Variants in PLXNA2 observed in about 807,000 individuals in gnomAD.
The protein encoded by PLXNA2 is plexin-A2.
A neutral mutation model predicts 193.5 loss-of-function variants in PLXNA2; 91 were observed. The observed-to-expected ratio is 0.47, with a 90% CI of 0.40 to 0.56. The LOEUF is 0.56. PLXNA2 is among the 20% of genes least tolerant of loss of function. PLXNA2 has a pLI of 0.00. For missense variants in PLXNA2, 1,995 were observed against 2,503.2 expected, an observed-to-expected ratio of 0.80 and a Z score of 4.33; for synonymous variants, 997 against 1,027.3, an observed-to-expected ratio of 0.97 and a Z score of 0.56.
intron 3 of PLXNA2, among the ~76,000 whole-genome samples, chr1:208,209,742 GA>G (rs1416314025): frequency 6.6e-6 from 1 of 152,146 alleles, no homozygotes; most frequent in Admixed American, 6.5e-5. Context: ...GTGATTGCAG[GA>G]AGAGGAAAGA....
chr1:208,091,582 G>C (rs751734840), intron 9 of PLXNA2, among the ~76,000 whole-genome samples: 26 of 152,280 alleles, frequency 1.7e-4, no homozygotes, highest in African/African-American at 4.1e-4. Context: ...GTATAGAAAG[G>C]CTATAGTAGG....
Position 208,084,381 on chromosome 1 carries a change from G to T in PLXNA2, c.2297C>A (p.Ser766Ter). Reference sequence around the variant, plus strand: ...AGGGCCCAGCCTGCGTTTTCTTACCGAGCTGTTCTGACACTGAACGCTGGA... The same window carrying T: ...AGGGCCCAGCCTGCGTTTTCTTACCTAGCTGTTCTGACACTGAACGCTGGA... ...NSSSVQCQNS[S>*]YQYDGMDISN... Residue 766 changes from serine (S) to a stop codon, truncating the protein, a stop_gained and splice_region_variant, in exon 10 of 32, where the codon TCG (serine) becomes TAG (stop). Coordinates refer to ENST00000367033, the MANE Select transcript of PLXNA2 (RefSeq NM_025179.4). LOFTEE classifies it high-confidence loss of function. The T allele has an allele frequency of 1.2e-6, 2 of 1,614,130 alleles. No individual in the cohort carries two copies. Among genetic ancestry groups the T allele is most frequent in the Non-Finnish European group, 1.7e-6 (2 of 1,180,006 alleles).
intron 4 of PLXNA2, among the ~76,000 whole-genome samples, chr1:208,124,635 T>C (rs141385589): frequency 0.076 from 10,351 of 135,750 alleles, 484 homozygotes; most frequent in Middle Eastern, 0.21. Context: ...GCCAAGATCA[T>C]GTGATTGCAC....
intron 5 of PLXNA2, 59 bp from the exon 6 acceptor site, chr1:208,099,028 A>G (rs1667008811): frequency 3.8e-6 from 6 of 1,595,624 alleles, no homozygotes; most frequent in Non-Finnish European, 4.3e-6. Flanking sequence ...GTTTGGCTCC[A>G]TTGTCCCCTG....
chr1:208,202,853 C>T (rs1369145320), intron 3 of PLXNA2, among the ~76,000 whole-genome samples: 2 of 152,230 alleles, frequency 1.3e-5, no homozygotes, highest in Non-Finnish European at 2.9e-5. Flanking sequence ...GACTGCAAAA[C>T]AGCCAGCTGA....
At chr1:208,080,231 C>T (rs1666291642) in intron 11 of PLXNA2, among the ~76,000 whole-genome samples, 1 of 152,180 alleles carries the variant, frequency 6.6e-6, no homozygotes, top group African/African-American at 2.4e-5. Context: ...GTGACACAGT[C>T]TGTTCCCAGC....
chr1:208,150,041 G>A (rs1005752938), intron 3 of PLXNA2, among the ~76,000 whole-genome samples: 4 of 152,208 alleles, frequency 2.6e-5, no homozygotes, highest in Admixed American at 2.0e-4. Context: ...ATTGGACGGG[G>A]ACGCAGGAGC....
At chr1:208,210,785 A>G (rs1039765542) in intron 2 of PLXNA2, among the ~76,000 whole-genome samples, 1 of 152,138 alleles carries the variant, frequency 6.6e-6, no homozygotes, top group African/African-American at 2.4e-5. Flanking sequence ...ATTTATTTTA[A>G]TGTTCCTCAG....
At chr1:208,100,730 G>A (rs903588689) in intron 5 of PLXNA2, among the ~76,000 whole-genome samples, 23 of 152,192 alleles carry the variant, frequency 1.5e-4, no homozygotes, top group Non-Finnish European at 2.8e-4. Flanking sequence ...CAGACAAGGC[G>A]CTGCAGCCAG....
At chr1:208,060,875 C>T in intron 12 of PLXNA2, 38 bp from the exon 13 acceptor site, 1 of 1,605,832 alleles carries the variant, frequency 6.2e-7, no homozygotes, top group Admixed American at 1.7e-5. Flanking sequence ...TTGGTTTGGT[C>T]ACAGGAACAG....
At position 208,121,504 on chromosome 1, in the gene PLXNA2, C is replaced by T. The variant is rs568514961; in HGVS notation, c.1507-18257G>A. 1.1e-3 allele frequency among the ~76,000 whole-genome samples: 167 copies of T among 152,196 alleles called. 5 individuals are homozygous for T. In the South Asian group the frequency reaches 0.031, roughly 29 times the overall value. On this transcript the variant is annotated intron_variant, in intron 4 of 31. Coordinates refer to ENST00000367033, the MANE Select transcript of PLXNA2 (RefSeq NM_025179.4). Reference sequence around the variant, plus strand: ...GGGGTGGTTTCCCTCATGCTGTTCTCGTGATAATGAGTGAGTTCTCATGAG... The same window carrying T: ...GGGGTGGTTTCCCTCATGCTGTTCTTGTGATAATGAGTGAGTTCTCATGAG...
At chr1:208,187,551 T>G (rs1467053847) in intron 3 of PLXNA2, among the ~76,000 whole-genome samples, 1 of 152,222 alleles carries the variant, frequency 6.6e-6, no homozygotes, top group African/African-American at 2.4e-5. Context: ...TCCCTAAAGC[T>G]GACTCATGAA....
At chr1:208,107,589 A>T (rs974910308) in intron 4 of PLXNA2, among the ~76,000 whole-genome samples, 2 of 152,108 alleles carry the variant, frequency 1.3e-5, no homozygotes, top group South Asian at 2.1e-4. Context: ...GGGGAGGGAG[A>T]TGTCTTCAGA....
At position 208,042,262 on chromosome 1, in the gene PLXNA2, C is replaced by G; in HGVS notation, c.4122G>C (p.Leu1374=). Residue 1374 remains leucine, a synonymous_variant, in exon 22 of 32, where the codon CTG becomes CTC. Coordinates refer to ENST00000367033, the MANE Select transcript of PLXNA2 (RefSeq NM_025179.4). ...GGTCGCGCATGGAGAAACTGCGCTG[C>G]AGCTCCAGGGTGCGGATGAAGGTCA... ...FLLTFIRTLE[L]QRSFSMRDRG... is the part of the protein sequence containing the mutation. 1.2e-6 allele frequency: 2 copies of G among 1,614,240 alleles called. No homozygotes were observed. Among genetic ancestry groups the G allele is most frequent in the Non-Finnish European group, 1.7e-6 (2 of 1,180,044 alleles).
intron 13 of PLXNA2, among the ~76,000 whole-genome samples, chr1:208,057,818 G>A (rs1398845867): frequency 2.0e-5 from 3 of 152,228 alleles, no homozygotes; most frequent in African/African-American, 4.8e-5. Flanking sequence ...AGGCACCTTA[G>A]TGCCACAGAT....
At chr1:208,123,225 T>A (rs1025828927) in intron 4 of PLXNA2, among the ~76,000 whole-genome samples, 2 of 152,230 alleles carry the variant, frequency 1.3e-5, no homozygotes, top group Non-Finnish European at 2.9e-5. Context: ...GGTTCATCCA[T>A]ATTGTAGCCT....
intron 17 of PLXNA2, among the ~76,000 whole-genome samples, chr1:208,049,031 A>C (rs927293945): frequency 7.2e-5 from 11 of 152,176 alleles, no homozygotes; most frequent in African/African-American, 2.7e-4. Context: ...CCTGGGCCCC[A>C]GAGCCTGCTA....
At chr1:208,157,369 A>G (rs1313216025) in intron 3 of PLXNA2, among the ~76,000 whole-genome samples, 1 of 152,214 alleles carries the variant, frequency 6.6e-6, no homozygotes, top group Non-Finnish European at 1.5e-5. Flanking sequence ...CCTTCTTTGG[A>G]AAGAAGTGAG....
intron 12 of PLXNA2, among the ~76,000 whole-genome samples, chr1:208,076,036 C>T (rs1030877669): frequency 4.2e-5 from 6 of 141,716 alleles, no homozygotes; most frequent in Admixed American, 1.5e-4. Context: ...CCAGCCTGGG[C>T]GACAGAGTGA....
Sources: gnomAD v4.1 joint callset for allele counts (sites outside exome capture counted in the v4.1 genomes callset) on GRCh38, gnomAD v4.1.1 for gene constraint, MANE v1.5 for transcripts, NCBI Gene and HGNC (gene_info 2026-07-23, HGNC 2026-07-21) for gene names.